Variants in DSC2 observed in about 807,000 individuals in gnomAD.
DSC2 encodes desmocollin 2, also known as desmocollin-2.
In DSC2, 51 loss-of-function variants were observed where a neutral mutation model predicts 87.6. That is an observed-to-expected ratio of 0.58 (90% CI 0.46 to 0.74). The LOEUF (loss-of-function observed/expected upper bound fraction) is 0.74. Among genes scored for constraint, DSC2 ranks in the 30% least tolerant of loss-of-function variants. DSC2 has a pLI of 0.00. For missense variants in DSC2, 1,066 were observed against 1,089.5 expected (o/e 0.98, Z 0.30); for synonymous variants, 383 against 393.2 (o/e 0.97, Z 0.31).
At chr18:31,073,549 C>T (rs546966075) in intron 12 of DSC2, among the ~76,000 whole-genome samples, 1 of 152,088 alleles carries the variant, frequency 6.6e-6, no homozygotes, top group African/African-American at 2.4e-5. Flanking sequence ...CCCTCATAAC[C>T]TTTCTTTTCT....
At chr18:31,095,961 T>C (rs1987747994) in intron 1 of DSC2, among the ~76,000 whole-genome samples, 1 of 151,858 alleles carries the variant, frequency 6.6e-6, no homozygotes, top group Admixed American at 6.6e-5. Context: ...AAATCTGGAA[T>C]GGTTGATGTG....
Position 31,101,978 on chromosome 18 carries a change from G to A in DSC2, c.-7C>T. On this transcript the variant is annotated 5_prime_UTR_variant, in exon 1 of 16. Transcript: ENST00000280904. Reference sequence around the variant, plus strand: ...AGGGGCGGGCTGCCTCCATGGAGAGGGCTCGGGGCAGGTCGCGGGCCGAGC... The same window carrying A: ...AGGGGCGGGCTGCCTCCATGGAGAGAGCTCGGGGCAGGTCGCGGGCCGAGC... 1 of 1,517,152 alleles carries A rather than the reference G, an allele frequency of 6.6e-7. No individual in the cohort carries two copies. Among genetic ancestry groups the A allele is most frequent in the Non-Finnish European group, 8.8e-7 (1 of 1,138,076 alleles). The allele number at this position is 1,517,152 out of a possible 1,614,324, so 94.0% of individuals were successfully genotyped here. A position where few individuals can be genotyped will look rare whatever the true frequency, so the allele number is the denominator to read the frequency against.
At chr18:31,078,289 G>A (rs1377595960) in intron 11 of DSC2, among the ~76,000 whole-genome samples, 2 of 152,164 alleles carry the variant, frequency 1.3e-5, no homozygotes, top group Non-Finnish European at 2.9e-5. Context: ...CTGATTCACA[G>A]TTCTCTCACA....
chr18:31,062,845 G>A lies in DSC2; in HGVS notation c.*5170C>T, dbSNP rs776784765. 9.9e-5 allele frequency: 15 copies of A among 152,126 alleles called. No homozygotes were observed. The highest frequency in any genetic ancestry group is 2.1e-4 in the Non-Finnish European group (14 of 68,022). The allele number at this position is 152,126 out of a possible 1,614,324, so 9.4% of individuals were successfully genotyped here. A position where few individuals can be genotyped will look rare whatever the true frequency, so the allele number is the denominator to read the frequency against. Reference sequence around the variant, plus strand: ...TCAACACTTCACTTTCCTGTATTAAGCTGTGAATGCAAACAATTGTTCTAG... The same window carrying A: ...TCAACACTTCACTTTCCTGTATTAAACTGTGAATGCAAACAATTGTTCTAG... On this transcript the variant is annotated 3_prime_UTR_variant, in exon 16 of 16. Coordinates refer to ENST00000280904, the MANE Select transcript of DSC2 (RefSeq NM_024422.6).
intron 12 of DSC2, among the ~76,000 whole-genome samples, chr18:31,073,470 A>T (rs1011841494): frequency 1.3e-5 from 2 of 152,066 alleles, no homozygotes; most frequent in Non-Finnish European, 2.9e-5. Flanking sequence ...AGGATCCAAG[A>T]CATAGTAGTT....
intron 6 of DSC2, 47 bp from the exon 7 acceptor site, chr18:31,086,789 T>A (rs1473933647): frequency 1.3e-6 from 2 of 1,580,562 alleles, no homozygotes; most frequent in East Asian, 2.3e-5. Context: ...TCACATGTTC[T>A]ATGTTCCCTT....
chr18:31,095,289 G>A (rs529246362), intron 1 of DSC2, among the ~76,000 whole-genome samples: 117 of 152,310 alleles, frequency 7.7e-4, no homozygotes, highest in African/African-American at 2.8e-3. Flanking sequence ...AGCGAGGGAA[G>A]AGTGACAGGA....
At chr18:31,073,738 C>T (rs907776139) in intron 12 of DSC2, among the ~76,000 whole-genome samples, 5 of 152,100 alleles carry the variant, frequency 3.3e-5, no homozygotes, top group Admixed American at 6.6e-5. Context: ...TGAAGAGTTA[C>T]GCGCCAACTA....
At position 31,062,909 on chromosome 18, in the gene DSC2, A is replaced by G. The variant is rs1387298331; in HGVS notation, c.*5106T>C. 1 of 152,232 alleles carries G rather than the reference A, an allele frequency of 6.6e-6. No homozygotes were observed. The highest frequency in any genetic ancestry group is 2.1e-4 in the South Asian group (1 of 4,830). 9.4% of individuals were successfully genotyped at this position (152,232 alleles called of 1,614,324 possible). ...TCTGAGGAAAAACAATTCAGTGCAGAATCTAACATACACCATGTCTATCAT... is the reference window on the plus strand; with the variant it reads ...TCTGAGGAAAAACAATTCAGTGCAGGATCTAACATACACCATGTCTATCAT... On this transcript the variant is annotated 3_prime_UTR_variant, in exon 16 of 16. Transcript: ENST00000280904.
intron 3 of DSC2, among the ~76,000 whole-genome samples, chr18:31,091,900 C>T (rs1987612233): frequency 6.6e-6 from 1 of 152,122 alleles, no homozygotes; most frequent in Non-Finnish European, 1.5e-5. Flanking sequence ...CCTTTTACGT[C>T]CCAAATGAAA....
chr18:31,067,547 T>C lies in DSC2; in HGVS notation c.*468A>G, dbSNP rs559543597. On this transcript the variant is annotated 3_prime_UTR_variant, in exon 16 of 16. Coordinates refer to ENST00000280904, the MANE Select transcript of DSC2 (RefSeq NM_024422.6). Reference sequence around the variant, plus strand: ...AGGTCACATTACAAGAATAAAATAATAGCAAGAATGCAGTCTACACACTTT... The same window carrying C: ...AGGTCACATTACAAGAATAAAATAACAGCAAGAATGCAGTCTACACACTTT... 1 of 164,576 alleles carries C rather than the reference T, an allele frequency of 6.1e-6. No individual in the cohort carries two copies. The highest frequency in any genetic ancestry group is 1.6e-4 in the South Asian group (1 of 6,364). The allele number at this position is 164,576 out of a possible 1,614,324, so 10.2% of individuals were successfully genotyped here. A position where few individuals can be genotyped will look rare whatever the true frequency, so the allele number is the denominator to read the frequency against.
Position 31,101,960 on chromosome 18 carries a change from G to T in DSC2, c.12C>A (p.Ala4=), listed in dbSNP as rs1555641335. Residue 4 remains alanine (A), a synonymous_variant, in exon 1 of 16, where the codon GCC becomes GCA. Transcript: ENST00000280904. ...CTCCGTTCCAGGAGCCGGAGGGGCG[G>T]GCTGCCTCCATGGAGAGGGCTCGGG... MEA[A]RPSGSWNGAL... 3.3e-6 allele frequency: 5 copies of T among 1,526,228 alleles called. No individual in the cohort carries two copies. Among genetic ancestry groups the T allele is most frequent in the Non-Finnish European group, 3.5e-6 (4 of 1,142,426 alleles). 94.5% of individuals were successfully genotyped at this position (1,526,228 alleles called of 1,614,324 possible). A position where few individuals can be genotyped will look rare whatever the true frequency, so the allele number is the denominator to read the frequency against.
At chr18:31,089,998 T>A (rs1159161706) in intron 4 of DSC2, among the ~76,000 whole-genome samples, 2 of 152,172 alleles carry the variant, frequency 1.3e-5, no homozygotes. Context: ...AAGTGTACTG[T>A]CTGCAGGGCA....
At chr18:31,086,373 A>T (rs1306631777) in intron 7 of DSC2, among the ~76,000 whole-genome samples, 9 of 152,182 alleles carry the variant, frequency 5.9e-5, no homozygotes, top group Admixed American at 5.9e-4. Context: ...ATTGTATGAA[A>T]CAAACAATTC....
rs769080827 is a variant in DSC2 at position 31,101,331 on chromosome 18, C to T, written c.69+572G>A. 2.2e-3 allele frequency: 2,025 copies of T among 940,994 alleles called. 1 individual carries two copies. The highest frequency in any genetic ancestry group is 2.5e-3 in the Non-Finnish European group (1,948 of 790,730). 58.3% of individuals were successfully genotyped at this position (940,994 alleles called of 1,614,324 possible). ...AGTAAACAATTCCCAGAAAGGCGAG[C>T]AGTTCCCTTTTTCACCCAAGGACAC... is the stretch of plus-strand genomic sequence containing the variant. On this transcript the variant is annotated intron_variant, in intron 1 of 15. Coordinates refer to ENST00000280904, the MANE Select transcript of DSC2 (RefSeq NM_024422.6).
intron 12 of DSC2, among the ~76,000 whole-genome samples, chr18:31,072,212 A>G (rs1054096724): frequency 3.3e-5 from 5 of 152,246 alleles, no homozygotes; most frequent in African/African-American, 1.2e-4. Flanking sequence ...TCTTTTACAC[A>G]TGCTTCATCG....
chr18:31,085,452 T>C (rs1403704503), intron 7 of DSC2, among the ~76,000 whole-genome samples: 1 of 151,428 alleles, frequency 6.6e-6, no homozygotes, highest in African/African-American at 2.4e-5. Context: ...TAACATGTAA[T>C]TAATTTATTA....
intron 14 of DSC2, among the ~76,000 whole-genome samples, chr18:31,070,379 G>A (rs1986782991): frequency 6.6e-6 from 1 of 152,178 alleles, no homozygotes; most frequent in Non-Finnish European, 1.5e-5. Flanking sequence ...GTAAAACCAT[G>A]TTGGTAAACC....
In DSC2 at chr18:31,083,197, G is replaced by A. The variant is rs1051804814; in HGVS notation, c.943-137C>T. On this transcript the variant is annotated intron_variant, in intron 7 of 15. Transcript: ENST00000280904. ...TACATTTCACAGCATTCGTGTATTA[G>A]AAGAATTTTCTCTCACTAGTAATTT... 77 of 1,021,632 alleles carry A rather than the reference G, an allele frequency of 7.5e-5. No homozygotes were observed. The East Asian group carries it at 2.0e-3, about 27-fold the overall frequency. The allele number at this position is 1,021,632 out of a possible 1,614,324, so 63.3% of individuals were successfully genotyped here. A position where few individuals can be genotyped will look rare whatever the true frequency, so the allele number is the denominator to read the frequency against.
Sources: gnomAD v4.1 joint callset for allele counts (sites outside exome capture counted in the v4.1 genomes callset) on GRCh38, gnomAD v4.1.1 for gene constraint, MANE v1.5 for transcripts, NCBI Gene and HGNC (gene_info 2026-07-23, HGNC 2026-07-21) for gene names.